The following RASL11B variants were observed in gnomAD, a reference collection of about 807,000 sequenced individuals.
RASL11B encodes ras-like protein family member 11B.
In RASL11B, 14 loss-of-function variants were observed where a neutral mutation model predicts 22.9. The observed-to-expected ratio is 0.61, with a 90% confidence interval of 0.40 to 0.96. The LOEUF is 0.96. Ranked by LOEUF, RASL11B falls within the 40% of genes least tolerant of loss-of-function variation. The pLI, the probability that RASL11B is intolerant of heterozygous loss-of-function variation, is 0.00. For synonymous variants in RASL11B, 143 were observed against 130.2 expected, an observed-to-expected ratio of 1.10 and a Z score of -0.67; for missense variants, 261 against 322.0, an observed-to-expected ratio of 0.81 and a Z score of 1.45.
At position 52,862,439 on chromosome 4, in the gene RASL11B, G is replaced by A; in HGVS notation, c.-69G>A. 5 of 1,388,114 alleles carry A rather than the reference G, an allele frequency of 3.6e-6. No homozygotes were observed. Among genetic ancestry groups the A allele is most frequent in the Non-Finnish European group, 1.9e-6 (2 of 1,052,348 alleles). 86.0% of individuals were successfully genotyped at this position (1,388,114 alleles called of 1,614,324 possible). On this transcript the variant is annotated 5_prime_UTR_variant, in exon 1 of 4. Transcript: ENST00000248706. The stretch of plus-strand genomic sequence containing the variant: ...GCCCCGCAGTCGGGTCCTCCCGCCC[G>A]CTCCCGCGCAGCGCTAGCATTCTCC...
Position 52,862,517 on chromosome 4 carries a change from A to T in RASL11B, c.10A>T (p.Ile4Phe), listed in dbSNP as rs1351702563. The T allele has an allele frequency of 6.2e-7, 1 of 1,605,082 alleles. No individual in the cohort carries two copies. The highest frequency in any genetic ancestry group is 8.5e-7 in the Non-Finnish European group (1 of 1,176,830). Residue 4 changes from isoleucine to phenylalanine, a missense_variant, in exon 1 of 4, where the codon ATT becomes TTT. Ile to Phe is a conservative substitution (Grantham distance 21, BLOSUM62 0). Transcript: ENST00000248706. MRL[I>F]QNMCTIAEYP... ...CGCCGCAGCCGAGGCGATGCGCCTC[A>T]TTCAGAACATGTGCACCATCGCCGA...
Position 52,862,439 on chromosome 4 carries a change from G to T in RASL11B, c.-69G>T. The T allele has an allele frequency of 7.2e-7, 1 of 1,388,118 alleles. No individual in the cohort carries two copies. The allele number at this position is 1,388,118 out of a possible 1,614,324, so 86.0% of individuals were successfully genotyped here. A position where few individuals can be genotyped will look rare whatever the true frequency, so the allele number is the denominator to read the frequency against. ...GCCCCGCAGTCGGGTCCTCCCGCCC[G>T]CTCCCGCGCAGCGCTAGCATTCTCC... On this transcript the variant is annotated 5_prime_UTR_variant, in exon 1 of 4. Transcript: ENST00000248706.
At chr4:52,864,635 C>A in intron 3 of RASL11B, 81 bp downstream of exon 3, 2 of 944,392 alleles carry the variant, frequency 2.1e-6, no homozygotes, top group Non-Finnish European at 1.7e-6. Context: ...GTTCCTCATG[C>A]TGCAGGATCA....
Position 52,866,206 on chromosome 4 carries a change from CCTTTTTT to C in RASL11B, c.*411_*417del, listed in dbSNP as rs553791101. On this transcript the variant is annotated 3_prime_UTR_variant, in exon 4 of 4. Transcript: ENST00000248706. ...GCATTGATAGGCTTTCTTTTTTCCC[CCTTTTTT>C]CTTTTTTCTCTTTTCTTCTTTCTTT... The C allele has an allele frequency of 1.9e-4, 32 of 171,652 alleles. No homozygotes were observed. Among genetic ancestry groups the C allele is most frequent in the Non-Finnish European group, 3.3e-4 (27 of 80,966 alleles). The allele number at this position is 171,652 out of a possible 1,614,324, so 10.6% of individuals were successfully genotyped here. A position where few individuals can be genotyped will look rare whatever the true frequency, so the allele number is the denominator to read the frequency against.
In RASL11B at chr4:52,862,323, G is replaced by C. The variant is rs888329226; in HGVS notation, c.-185G>C. ...CGGCGCGCCGCGCGAGTGCAGTCTG[G>C]GTCTGGAGCCTGAGCCCTGCGGAAC... On this transcript the variant is annotated 5_prime_UTR_variant, in exon 1 of 4. Transcript: ENST00000248706. 1.8e-6 allele frequency: 1 copy of C among 567,250 alleles called. No homozygotes were observed. The highest frequency in any genetic ancestry group is 2.9e-6 in the Non-Finnish European group (1 of 345,238). 35.1% of individuals were successfully genotyped at this position (567,250 alleles called of 1,614,324 possible).
rs1357332685 is a variant in RASL11B at position 52,865,497 on chromosome 4, G to C, written c.439G>C (p.Val147Leu). The change falls in exon 4 of 4, where the codon GTG (valine) becomes CTG (leucine). Residue 147 changes from valine (V) to leucine (L), a missense_variant. Val to Leu is a conservative substitution (Grantham distance 32). Coordinates refer to ENST00000248706, the MANE Select transcript of RASL11B (RefSeq NM_023940.3). The part of the protein sequence containing the change: ...QQLHLGTRLP[V>L]VVVANKADLL... The stretch of plus-strand genomic sequence containing the variant: ...GCTACACCTGGGCACCCGGCTGCCT[G>C]TGGTGGTCGTGGCCAACAAAGCTGA... 1 of 1,614,240 alleles carries C rather than the reference G, an allele frequency of 6.2e-7. No individual in the cohort carries two copies. The highest frequency in any genetic ancestry group is 2.2e-5 in the East Asian group (1 of 44,884).
Position 52,866,129 on chromosome 4 carries a change from T to C in RASL11B, c.*324T>C. 1 of 330,026 alleles carries C rather than the reference T, an allele frequency of 3.0e-6. No individual in the cohort carries two copies. The highest frequency in any genetic ancestry group is 5.6e-6 in the Non-Finnish European group (1 of 178,902). 20.4% of individuals were successfully genotyped at this position (330,026 alleles called of 1,614,324 possible). On this transcript the variant is annotated 3_prime_UTR_variant, in exon 4 of 4. Coordinates refer to ENST00000248706, the MANE Select transcript of RASL11B (RefSeq NM_023940.3). ...CCTTGTAAATGGTGGTCCGTTGCAG[T>C]TTCACCAAATGTATTGATGTGATTT...
At position 52,866,306 on chromosome 4, in the gene RASL11B, ATTC is replaced by A. The variant is rs1360704368; in HGVS notation, c.*504_*506del. ...GTATGATTTGTAACTCTGGAACACTATTCTTACAGAATGCCTTTCTAACCTGAA... is the reference window on the plus strand; with the variant it reads ...GTATGATTTGTAACTCTGGAACACTATTACAGAATGCCTTTCTAACCTGAA... On this transcript the variant is annotated 3_prime_UTR_variant, in exon 4 of 4. Transcript: ENST00000248706. The A allele has an allele frequency of 1.3e-5, 2 of 156,126 alleles. No homozygotes were observed. Among genetic ancestry groups the A allele is most frequent in the African/African-American group, 4.8e-5 (2 of 41,364 alleles). The allele number at this position is 156,126 out of a possible 1,614,324, so 9.7% of individuals were successfully genotyped here.
chr4:52,863,400 G>T, intron 2 of RASL11B, 76 bp downstream of exon 2: 1 of 1,280,752 alleles, frequency 7.8e-7, no homozygotes, highest in Non-Finnish European at 1.1e-6. Flanking sequence ...CGCTTCCCAG[G>T]GAGGTTCTTT....
intron 3 of RASL11B, 107 bp from the exon 4 acceptor site, chr4:52,865,228 C>T (rs1401225684): frequency 1.2e-6 from 1 of 827,318 alleles, no homozygotes; most frequent in African/African-American, 1.7e-5. Flanking sequence ...TTATGGCCCT[C>T]AACCTGGCAC....
In RASL11B at chr4:52,865,384, G is replaced by A. The variant is rs760740865; in HGVS notation, c.326G>A (p.Arg109His). The stretch of plus-strand genomic sequence containing the variant: ...AGTGAACAGCTGAATAGGTGCATTC[G>A]CTGGGCAGATGCTGTGGTGATCGTT... ...SCSEQLNRCI[R>H]WADAVVIVFS... Residue 109 changes from arginine (R) to histidine (H), a missense_variant, in exon 4 of 4, where the codon CGC becomes CAC. Coordinates refer to ENST00000248706, the MANE Select transcript of RASL11B (RefSeq NM_023940.3). 21 of 1,613,998 alleles carry A rather than the reference G, an allele frequency of 1.3e-5. No homozygotes were observed. The Admixed American group carries it at 1.8e-4, about 14-fold the overall frequency.
intron 1 of RASL11B, 85 bp from the exon 2 acceptor site, chr4:52,863,183 G>T (rs1166225101): frequency 2.5e-6 from 3 of 1,204,444 alleles, no homozygotes; most frequent in Non-Finnish European, 3.6e-6. Flanking sequence ...TTCTTTGGGA[G>T]AACTGTTTTC....
chr4:52,863,477 G>GC (rs990736625), intron 2 of RASL11B, 153 bp downstream of exon 2: 32 of 650,618 alleles, frequency 4.9e-5, no homozygotes, highest in South Asian at 1.4e-4. Context: ...CCTCCATGGC[G>GC]CCCCCCTCCC....
chr4:52,863,684 C>T lies in RASL11B; in HGVS notation c.199+360C>T, dbSNP rs534965146. 23 of 205,638 alleles carry T rather than the reference C, an allele frequency of 1.1e-4. No individual in the cohort carries two copies. The South Asian group carries it at 2.6e-3, about 23-fold the overall frequency. 12.7% of individuals were successfully genotyped at this position (205,638 alleles called of 1,614,324 possible). A position where few individuals can be genotyped will look rare whatever the true frequency, so the allele number is the denominator to read the frequency against. On this transcript the variant is annotated intron_variant, in intron 2 of 3. Transcript: ENST00000248706. ...AAGGAGTCCCTAGCTCCTTCCCCCA[C>T]CCCTCTCCTTCTCTGCTGGCTGCCT...
chr4:52,864,407 G>T, intron 2 of RASL11B, 71 bp from the exon 3 acceptor site: 3 of 980,154 alleles, frequency 3.1e-6, no homozygotes, highest in South Asian at 2.8e-5. Context: ...TTTTTTTCTA[G>T]CTTAAAACTC....
chr4:52,864,919 T>G (rs146010224), intron 3 of RASL11B, among the ~76,000 whole-genome samples: 1 of 152,330 alleles, frequency 6.6e-6, no homozygotes, highest in East Asian at 1.9e-4. Flanking sequence ...TTGGAATCGC[T>G]TTTGTACTGG....
At position 52,866,299 on chromosome 4, in the gene RASL11B, G is replaced by C; in HGVS notation, c.*494G>C. 1 of 158,452 alleles carries C rather than the reference G, an allele frequency of 6.3e-6. No individual in the cohort carries two copies. The highest frequency in any genetic ancestry group is 1.9e-4 in the South Asian group (1 of 5,372). The allele number at this position is 158,452 out of a possible 1,614,324, so 9.8% of individuals were successfully genotyped here. On this transcript the variant is annotated 3_prime_UTR_variant, in exon 4 of 4. Coordinates refer to ENST00000248706, the MANE Select transcript of RASL11B (RefSeq NM_023940.3). ...CTTACCAGTATGATTTGTAACTCTG[G>C]AACACTATTCTTACAGAATGCCTTT...
Position 52,864,714 on chromosome 4 carries a change from G to A in RASL11B, c.276+160G>A, listed in dbSNP as rs1004677938. ...ATTCAATTGTATCTGGCTGTTGGTC[G>A]ATCTTAGCATGGTTTAGTTTGGGAG... On this transcript the variant is annotated intron_variant, in intron 3 of 3. Transcript: ENST00000248706. 5.3e-5 allele frequency among the ~76,000 whole-genome samples: 8 copies of A among 152,292 alleles called. No homozygotes were observed. In the South Asian group the frequency reaches 6.2e-4, roughly 12 times the overall value.
chr4:52,862,592 G>C lies in RASL11B; in HGVS notation c.85G>C (p.Ala29Pro). ...AAASDCCVGA[A>P]GRRLVKIAVV... ...GGCCTCCGACTGCTGTGTGGGCGCC[G>C]CCGGCCGCCGCCTGGTCAAGATCGC... The change falls in exon 1 of 4, where the codon GCC becomes CCC. Residue 29 changes from alanine (A) to proline (P), a missense_variant. Transcript: ENST00000248706. The C allele has an allele frequency of 6.3e-7, 1 of 1,599,042 alleles. No individual in the cohort carries two copies. Among genetic ancestry groups the C allele is most frequent in the Non-Finnish European group, 8.5e-7 (1 of 1,176,162 alleles).
Sources: allele counts gnomAD v4.1 joint callset (sites outside exome capture counted in the v4.1 genomes callset), GRCh38; gene constraint gnomAD v4.1.1; transcripts MANE v1.5; gene names NCBI Gene and HGNC (gene_info 2026-07-23, HGNC 2026-07-21).